NETO1: variants seen among roughly 807,000 people sequenced by gnomAD.
NETO1 encodes neuropilin and tolloid like 1.
Under a neutral mutation model 61.3 loss-of-function variants are expected in NETO1, and 26 were observed. That is an observed-to-expected ratio of 0.42 (90% CI 0.31 to 0.59). The LOEUF (loss-of-function observed/expected upper bound fraction) is 0.59, where lower values mean the gene tolerates loss of function less well. Ranked by LOEUF, NETO1 falls within the 20% of genes least tolerant of loss-of-function variation. NETO1 has a pLI of 0.12. For missense variants in NETO1, 531 were observed against 662.8 expected, an observed-to-expected ratio of 0.80 and a Z score of 2.18; for synonymous variants, 225 against 225.8, an observed-to-expected ratio of 1.00 and a Z score of 0.03.
At chr18:72,751,950 C>T (rs563412139) in intron 8 of NETO1, 2 of 152,236 alleles carry the variant, frequency 1.3e-5, no homozygotes, top group Non-Finnish European at 2.9e-5. Context: ...TTCGAAAGTT[C>T]GTCTTATTGC....
rs2070407437 is a variant in NETO1 at position 72,745,360 on chromosome 18, G to T, written c.*2819C>A. 6.6e-6 allele frequency: 1 copy of T among 152,112 alleles called. No individual in the cohort carries two copies. The highest frequency in any genetic ancestry group is 2.4e-5 in the African/African-American group (1 of 41,426). 9.4% of individuals were successfully genotyped at this position (152,112 alleles called of 1,614,324 possible). The stretch of plus-strand genomic sequence containing the variant: ...CTTAATATGGGGATTCATTGGCATT[G>T]CATGTGATTATATGCTACCATTATT... On this transcript the variant is annotated 3_prime_UTR_variant, in exon 11 of 11. Transcript: ENST00000327305.
At chr18:72,826,821 C>T (rs546743190) in intron 4 of NETO1, among the ~76,000 whole-genome samples, 1 of 152,268 alleles carries the variant, frequency 6.6e-6, no homozygotes, top group East Asian at 1.9e-4. Context: ...CCCTATTGTG[C>T]CACAGCTGAC....
At chr18:72,836,631 A>G (rs1325807417) in intron 4 of NETO1, among the ~76,000 whole-genome samples, 2 of 152,210 alleles carry the variant, frequency 1.3e-5, no homozygotes, top group African/African-American at 4.8e-5. Context: ...AAAGCACAGA[A>G]TATTTATATT....
At chr18:72,823,461 G>C (rs1444435407) in intron 4 of NETO1, among the ~76,000 whole-genome samples, 1 of 152,120 alleles carries the variant, frequency 6.6e-6, no homozygotes, top group African/African-American at 2.4e-5. Context: ...GAACCAGCCT[G>C]AGAACAAGGG....
chr18:72,825,954 T>G (rs779996980), intron 4 of NETO1, among the ~76,000 whole-genome samples: 1 of 152,198 alleles, frequency 6.6e-6, no homozygotes, highest in Non-Finnish European at 1.5e-5. Flanking sequence ...ATATAATTTG[T>G]GTATTCTTAA....
intron 4 of NETO1, among the ~76,000 whole-genome samples, chr18:72,817,140 C>A (rs770214090): frequency 3.9e-5 from 6 of 152,220 alleles, no homozygotes; most frequent in Admixed American, 6.5e-5. Context: ...CCTGTGACTT[C>A]TTTCACCAAT....
rs183781066 is a variant in NETO1, at chr18:72,828,367, T to C, written c.469+30459A>G. Among the ~76,000 whole-genome samples, 5 of 151,580 alleles carry C rather than the reference T, an allele frequency of 3.3e-5. No homozygotes were observed. In the East Asian group the frequency reaches 9.7e-4, roughly 29 times the overall value. ...AAAACAGAAGCAACATCATCATACA[T>C]GAGAGCTAGCAGAAGCAACATACAA... is the stretch of plus-strand genomic sequence containing the variant. On this transcript the variant is annotated intron_variant, in intron 4 of 10. Coordinates refer to ENST00000327305, the MANE Select transcript of NETO1 (RefSeq NM_138966.5).
intron 7 of NETO1, among the ~76,000 whole-genome samples, chr18:72,770,703 T>C (rs2071325986): frequency 6.6e-6 from 1 of 152,208 alleles, no homozygotes; most frequent in Non-Finnish European, 1.5e-5. Flanking sequence ...GTAACACTGC[T>C]TTCTCCAGTA....
intron 7 of NETO1, among the ~76,000 whole-genome samples, chr18:72,760,921 G>T (rs1423257644): frequency 6.6e-6 from 1 of 151,642 alleles, no homozygotes; most frequent in Non-Finnish European, 1.5e-5. Context: ...TAAAATTTAA[G>T]AATTAAATGT....
At chr18:72,816,957 G>A (rs1413335003) in intron 4 of NETO1, among the ~76,000 whole-genome samples, 1 of 152,158 alleles carries the variant, frequency 6.6e-6, no homozygotes, top group Admixed American at 6.5e-5. Flanking sequence ...CTTCGAAGGG[G>A]GTGAGTGCAT....
chr18:72,865,488 C>T (rs2145700165), intron 1 of NETO1: 4 of 1,472,246 alleles, frequency 2.7e-6, no homozygotes, highest in Middle Eastern at 3.6e-4. Context: ...GCAAATACAT[C>T]ATTCACTCTA....
chr18:72,784,465 C>A (rs1402430305), intron 6 of NETO1, among the ~76,000 whole-genome samples: 3 of 152,140 alleles, frequency 2.0e-5, no homozygotes, highest in Admixed American at 2.0e-4. Flanking sequence ...TCTGTCCATT[C>A]ATGCCATATA....
In NETO1 at chr18:72,867,771, G is replaced by C. The variant is rs548107550; in HGVS notation, c.-480C>G. On this transcript the variant is annotated 5_prime_UTR_variant, in exon 1 of 11. Coordinates refer to ENST00000327305, the MANE Select transcript of NETO1 (RefSeq NM_138966.5). ...GCCAGTCCAGACCGACGGCAGCGAC[G>C]GAGCGGGCGGCGGCGGCGGCGCCGG... 20 of 158,302 alleles carry C rather than the reference G, an allele frequency of 1.3e-4. No homozygotes were observed. The South Asian group carries it at 3.1e-3, about 25-fold the overall frequency. 9.8% of individuals were successfully genotyped at this position (158,302 alleles called of 1,614,324 possible).
chr18:72,770,095 T>C (rs1255260026), intron 7 of NETO1, among the ~76,000 whole-genome samples: 1 of 152,090 alleles, frequency 6.6e-6, no homozygotes, highest in East Asian at 1.9e-4. Context: ...TTTTGATAGA[T>C]GAAAATGACT....
At chr18:72,786,794 G>GT (rs1265463658) in intron 6 of NETO1, among the ~76,000 whole-genome samples, 1 of 150,420 alleles carries the variant, frequency 6.6e-6, no homozygotes, top group East Asian at 2.0e-4. Flanking sequence ...TAACTCGTTT[G>GT]TTTTTTCAAT....
intron 4 of NETO1, among the ~76,000 whole-genome samples, chr18:72,845,650 T>C (rs900414830): frequency 1.3e-5 from 2 of 152,334 alleles, no homozygotes; most frequent in Middle Eastern, 3.4e-3. Flanking sequence ...TAGTGAAGTA[T>C]GGCCTCAAAT....
At chr18:72,866,073 A>C (rs1483559575) in intron 1 of NETO1, among the ~76,000 whole-genome samples, 1 of 152,232 alleles carries the variant, frequency 6.6e-6, no homozygotes, top group Non-Finnish European at 1.5e-5. Context: ...TGATCTAATC[A>C]ACATTTTTAC....
At chr18:72,831,019 G>A (rs1195321766) in intron 4 of NETO1, among the ~76,000 whole-genome samples, 1 of 152,002 alleles carries the variant, frequency 6.6e-6, no homozygotes, top group Non-Finnish European at 1.5e-5. Flanking sequence ...TCTTCCTCTT[G>A]GTTTTCAAGA....
intron 4 of NETO1, among the ~76,000 whole-genome samples, chr18:72,848,282 A>C (rs1341173792): frequency 6.6e-6 from 1 of 152,156 alleles, no homozygotes; most frequent in Non-Finnish European, 1.5e-5. Context: ...GATTCATATC[A>C]ACCCCACAGA....
Sources: gnomAD v4.1 joint callset for allele counts (sites outside exome capture counted in the v4.1 genomes callset) on GRCh38, gnomAD v4.1.1 for gene constraint, MANE v1.5 for transcripts, NCBI Gene and HGNC (gene_info 2026-07-23, HGNC 2026-07-21) for gene names.